Variants in NDUFAF2 observed in about 807,000 individuals in gnomAD.
The protein encoded by NDUFAF2 is NADH dehydrogenase [ubiquinone] 1 alpha subcomplex assembly factor 2.
Under a neutral mutation model 22.8 loss-of-function variants are expected in NDUFAF2, and 13 were observed. That is an observed-to-expected ratio of 0.57 (90% CI 0.37 to 0.91). NDUFAF2 has a LOEUF of 0.91. NDUFAF2 is among the 40% of genes least tolerant of loss of function. NDUFAF2 has a pLI of 0.01. For missense variants in NDUFAF2, 162 were observed against 195.2 expected (o/e 0.83, Z 1.01); for synonymous variants, 53 against 64.2 (o/e 0.83, Z 0.84).
At chr5:60,991,162 T>C (rs980867968) in intron 1 of NDUFAF2, among the ~76,000 whole-genome samples, 4 of 152,148 alleles carry the variant, frequency 2.6e-5, no homozygotes, top group Non-Finnish European at 5.9e-5. Context: ...ATTTATTTAT[T>C]TTAAATTAAA....
In NDUFAF2 at chr5:60,984,258, A is replaced by T. The variant is rs576673468; in HGVS notation, c.127+38876A>T. On this transcript the variant is annotated intron_variant, in intron 1 of 3. Coordinates refer to ENST00000296597, the MANE Select transcript of NDUFAF2 (RefSeq NM_174889.5). The stretch of plus-strand genomic sequence containing the variant: ...TTGCCCATTGATTTTGTATCCTGAG[A>T]CTTTGCTGAAGTTGCCTATCAGCTT... 4.6e-5 allele frequency among the ~76,000 whole-genome samples: 7 copies of T among 152,266 alleles called. No individual in the cohort carries two copies. The South Asian group carries it at 1.5e-3, about 32-fold the overall frequency.
intron 1 of NDUFAF2, among the ~76,000 whole-genome samples, chr5:60,973,239 T>G (rs1750859392): frequency 6.6e-6 from 1 of 152,152 alleles, no homozygotes; most frequent in Admixed American, 6.5e-5. Context: ...CCTCAAGAAG[T>G]GTTCCTGAGT....
At chr5:61,139,220 AAC>A (rs1298141693) in intron 3 of NDUFAF2, among the ~76,000 whole-genome samples, 3 of 152,220 alleles carry the variant, frequency 2.0e-5, no homozygotes, top group African/African-American at 7.2e-5. Context: ...ATCATCTAGT[AAC>A]ACAGTACACT....
At chr5:61,032,908 C>A (rs1751746642) in intron 1 of NDUFAF2, among the ~76,000 whole-genome samples, 1 of 152,128 alleles carries the variant, frequency 6.6e-6, no homozygotes, top group African/African-American at 2.4e-5. Flanking sequence ...AATGGCTGAA[C>A]TAATTTACGC....
chr5:61,026,930 G>A (rs1052934084), intron 1 of NDUFAF2, among the ~76,000 whole-genome samples: 1 of 151,640 alleles, frequency 6.6e-6, no homozygotes. Flanking sequence ...CATTGTTCCT[G>A]CAGAGTTCTT....
At chr5:60,982,688 T>C (rs1460590932) in intron 1 of NDUFAF2, among the ~76,000 whole-genome samples, 1 of 151,764 alleles carries the variant, frequency 6.6e-6, no homozygotes, top group African/African-American at 2.4e-5. Flanking sequence ...CTGAGAATGA[T>C]GGTTTCCAGC....
At chr5:61,014,937 A>G (rs1372625258) in intron 1 of NDUFAF2, among the ~76,000 whole-genome samples, 1 of 152,220 alleles carries the variant, frequency 6.6e-6, no homozygotes, top group Non-Finnish European at 1.5e-5. Context: ...AACTATATAT[A>G]GGGAGAAGAG....
At chr5:61,023,475 A>G (rs1287956275) in intron 1 of NDUFAF2, among the ~76,000 whole-genome samples, 1 of 152,026 alleles carries the variant, frequency 6.6e-6, no homozygotes, top group Non-Finnish European at 1.5e-5. Context: ...ATAATTTTTT[A>G]TTATGAGCTC....
chr5:61,104,690 A>G (rs1329160925), intron 3 of NDUFAF2, among the ~76,000 whole-genome samples: 1 of 152,112 alleles, frequency 6.6e-6, no homozygotes, highest in Non-Finnish European at 1.5e-5. Context: ...AGGACATCAC[A>G]GTGACTAAAT....
Position 61,013,204 on chromosome 5 carries a change from T to C in NDUFAF2, c.128-59921T>C, listed in dbSNP as rs189316042. Among the ~76,000 whole-genome samples, 29 of 152,204 alleles carry C rather than the reference T, an allele frequency of 1.9e-4. No individual in the cohort carries two copies. In the East Asian group the frequency reaches 5.6e-3, roughly 29 times the overall value. On this transcript the variant is annotated intron_variant, in intron 1 of 3. Coordinates refer to ENST00000296597, the MANE Select transcript of NDUFAF2 (RefSeq NM_174889.5). ...GGAGAGTAGCTTTTTTAAAAAAAAT[T>C]AATCAGCCCCAGGGAACAGCTGATA...
chr5:61,069,966 C>G (rs1752275084), intron 1 of NDUFAF2, among the ~76,000 whole-genome samples: 1 of 151,948 alleles, frequency 6.6e-6, no homozygotes, highest in Admixed American at 6.6e-5. Flanking sequence ...TTGACCATTA[C>G]TACCTTCCTG....
chr5:60,954,242 A>G (rs1463869533), intron 1 of NDUFAF2, among the ~76,000 whole-genome samples: 2 of 152,200 alleles, frequency 1.3e-5, no homozygotes, highest in African/African-American at 4.8e-5. Flanking sequence ...GGCATTCTGT[A>G]TAGGTTGGTA....
intron 2 of NDUFAF2, among the ~76,000 whole-genome samples, chr5:61,075,291 T>G (rs942451381): frequency 6.6e-6 from 1 of 152,114 alleles, no homozygotes; most frequent in Admixed American, 6.5e-5. Flanking sequence ...TAAACATCAT[T>G]TCAGTAAAAA....
intron 1 of NDUFAF2, among the ~76,000 whole-genome samples, chr5:60,998,232 G>A (rs1392758652): frequency 6.6e-6 from 1 of 152,020 alleles, no homozygotes; most frequent in Non-Finnish European, 1.5e-5. Context: ...ACATTTGATA[G>A]TGTCCTTTGA....
intron 1 of NDUFAF2, among the ~76,000 whole-genome samples, chr5:60,970,597 G>T (rs778029264): frequency 6.6e-6 from 1 of 152,048 alleles, no homozygotes; most frequent in East Asian, 1.9e-4. Flanking sequence ...TTTTTTAGTG[G>T]AGTATTTAGG....
chr5:60,976,204 C>G (rs1750900182), intron 1 of NDUFAF2, among the ~76,000 whole-genome samples: 1 of 151,652 alleles, frequency 6.6e-6, no homozygotes, highest in African/African-American at 2.4e-5. Context: ...GAACACATTA[C>G]TAGATGTAAA....
intron 3 of NDUFAF2, among the ~76,000 whole-genome samples, chr5:61,135,439 C>A (rs532083297): frequency 6.6e-6 from 1 of 151,996 alleles, no homozygotes; most frequent in African/African-American, 2.4e-5. Flanking sequence ...GTTTGAGCAT[C>A]AAAAATAGAA....
chr5:60,976,804 C>T (rs934183312), intron 1 of NDUFAF2, among the ~76,000 whole-genome samples: 11 of 152,074 alleles, frequency 7.2e-5, no homozygotes, highest in African/African-American at 2.7e-4. Flanking sequence ...TCATAAGGAA[C>T]CTGATACGTT....
At chr5:61,045,415 T>A (rs1040567915) in intron 1 of NDUFAF2, among the ~76,000 whole-genome samples, 1 of 151,308 alleles carries the variant, frequency 6.6e-6, no homozygotes, top group South Asian at 2.1e-4. Flanking sequence ...GCTGCCTTGA[T>A]TAAATTTATT....
Sources: gnomAD v4.1 joint callset for allele counts (sites outside exome capture counted in the v4.1 genomes callset) on GRCh38, gnomAD v4.1.1 for gene constraint, MANE v1.5 for transcripts, NCBI Gene and HGNC (gene_info 2026-07-23, HGNC 2026-07-21) for gene names.